DMXL2: variants seen among roughly 807,000 people sequenced by gnomAD.
The protein encoded by DMXL2 is dmX-like protein 2.
DMXL2 carries 103 observed loss-of-function variants against 331.1 expected under a neutral mutation model. The ratio of observed to expected loss-of-function variants is 0.31; its 90% CI spans 0.27 to 0.37. The LOEUF is 0.37. DMXL2 is among the 10% of genes least tolerant of loss of function. DMXL2 has a pLI of 1.00. For missense variants in DMXL2, 3,171 were observed against 3,642.9 expected (o/e 0.87, Z 3.33); for synonymous variants, 1,281 against 1,252.1 (o/e 1.02, Z -0.49).
At chr15:51,538,933 T>C (rs774062938) in intron 9 of DMXL2, among the ~76,000 whole-genome samples, 4 of 152,148 alleles carry the variant, frequency 2.6e-5, no homozygotes, top group Non-Finnish European at 5.9e-5. Flanking sequence ...ATTTCGACCA[T>C]GTGCGGTGAC....
intron 10 of DMXL2, 42 bp downstream of exon 10, chr15:51,538,171 G>C: frequency 6.4e-7 from 1 of 1,572,390 alleles, no homozygotes; most frequent in Middle Eastern, 1.7e-4. Flanking sequence ...ACAGAAAGCT[G>C]TTAACTTTGG....
intron 14 of DMXL2, among the ~76,000 whole-genome samples, chr15:51,514,773 AG>A (rs1483795888): frequency 1.3e-5 from 2 of 151,828 alleles, no homozygotes; most frequent in African/African-American, 2.4e-5. Context: ...CACAGCCAAT[AG>A]CAGAATAGAA....
chr15:51,486,366 T>A, intron 22 of DMXL2, 29 bp from the exon 23 acceptor site: 1 of 1,437,296 alleles, frequency 7.0e-7, no homozygotes, highest in Non-Finnish European at 9.6e-7. Context: ...ATACTTATCT[T>A]ACTTAATGAT....
Position 51,498,750 on chromosome 15 carries a change from T to C in DMXL2, c.4474A>G (p.Lys1492Glu). Residue 1492 changes from lysine to glutamate, a missense_variant, in exon 18 of 44, where the codon AAA (lysine) becomes GAA (glutamate). Lys to Glu is a moderately conservative substitution (Grantham distance 56). Transcript: ENST00000560891. The part of the protein sequence containing the change: ...IDLEPEKREN[K>E]SKVINLSQYG... The stretch of plus-strand genomic sequence containing the variant: ...TGAGAAAGATTTATTACTTTTGATT[T>C]GTTTTCTCTCTTTTCAGGCTCTAAA... 6.2e-7 allele frequency: 1 copy of C among 1,614,216 alleles called. No individual in the cohort carries two copies. Among genetic ancestry groups the C allele is most frequent in the Non-Finnish European group, 8.5e-7 (1 of 1,180,034 alleles).
At chr15:51,568,413 G>T in intron 3 of DMXL2, 74 bp downstream of exon 3, 2 of 1,014,598 alleles carry the variant, frequency 2.0e-6, no homozygotes, top group East Asian at 2.8e-5. Flanking sequence ...CTCCTAAGGA[G>T]CTTTTTATTA....
At chr15:51,477,842 A>G (rs1291757684) in intron 26 of DMXL2, among the ~76,000 whole-genome samples, 1 of 152,070 alleles carries the variant, frequency 6.6e-6, no homozygotes, top group Non-Finnish European at 1.5e-5. Context: ...GGGTAGGTAA[A>G]AGTAATTTAA....
intron 3 of DMXL2, 150 bp downstream of exon 3, chr15:51,568,337 T>G: frequency 1.8e-6 from 1 of 557,682 alleles, no homozygotes; most frequent in Non-Finnish European, 3.2e-6. Flanking sequence ...GTAGTGAATG[T>G]AAGGATCCTA....
At chr15:51,558,829 T>C (rs143996648) in intron 6 of DMXL2, among the ~76,000 whole-genome samples, 12 of 152,314 alleles carry the variant, frequency 7.9e-5, no homozygotes, top group African/African-American at 2.9e-4. Flanking sequence ...AAACTGCCCA[T>C]ATTTTAAGTG....
chr15:51,459,097 G>A (rs934024666), intron 34 of DMXL2: 24 of 281,356 alleles, frequency 8.5e-5, no homozygotes, highest in African/African-American at 4.7e-4. Flanking sequence ...GTCTCTCTTA[G>A]CTCTTCCAAA....
intron 29 of DMXL2, among the ~76,000 whole-genome samples, chr15:51,468,510 G>C (rs2040803477): frequency 1.3e-5 from 2 of 152,072 alleles, no homozygotes; most frequent in African/African-American, 4.8e-5. Flanking sequence ...AAACTCACTG[G>C]CCTCCTCTGA....
chr15:51,595,722 A>G (rs58564324), intron 1 of DMXL2, among the ~76,000 whole-genome samples: 274 of 152,298 alleles, frequency 1.8e-3, no homozygotes, highest in African/African-American at 6.4e-3. Context: ...CAAAACAGAG[A>G]TATAGATCAA....
At position 51,499,917 on chromosome 15, in the gene DMXL2, G is replaced by A; in HGVS notation, c.3307C>T (p.His1103Tyr). The change falls in exon 18 of 44, where the codon CAT becomes TAT. Residue 1103 changes from histidine to tyrosine, a missense_variant. By Grantham distance (83) the His-to-Tyr change is moderately conservative. This residue lies in a region of DMXL2 where 1,674 missense variants were observed against 1,780.2 expected (regional missense o/e 0.94). Coordinates refer to ENST00000560891, the MANE Select transcript of DMXL2 (RefSeq NM_001378457.1). ...GATTCACATTCAAATATACAAACATGCATGGAAAATTCTTTAGAAACAAAA... is the reference window on the plus strand; with the variant it reads ...GATTCACATTCAAATATACAAACATACATGGAAAATTCTTTAGAAACAAAA... ...NGFVSKEFSMHVCIFECESTG... is the reference protein window; with the variant it reads ...NGFVSKEFSMYVCIFECESTG... 6.2e-7 allele frequency: 1 copy of A among 1,614,028 alleles called. No homozygotes were observed. Among genetic ancestry groups the A allele is most frequent in the Non-Finnish European group, 8.5e-7 (1 of 1,179,980 alleles).
At chr15:51,452,621 G>A (rs553216352) in intron 41 of DMXL2, among the ~76,000 whole-genome samples, 6 of 152,254 alleles carry the variant, frequency 3.9e-5, no homozygotes, top group African/African-American at 1.4e-4. Flanking sequence ...GTGGTGAAAA[G>A]GGGACACCTC....
intron 8 of DMXL2, 101 bp from the exon 9 acceptor site, chr15:51,542,608 T>C (rs1023388803): frequency 5.0e-5 from 42 of 844,486 alleles, no homozygotes; most frequent in African/African-American, 6.8e-5. Flanking sequence ...TTTTTCTCCA[T>C]AAAAACCTGA....
At chr15:51,487,930 T>TTA in intron 22 of DMXL2, 24 bp downstream of exon 22, 1 of 1,571,964 alleles carries the variant, frequency 6.4e-7, no homozygotes, top group South Asian at 1.2e-5. Context: ...ACAAGTATTA[T>TTA]ATAGTGTGTT....
chr15:51,563,049 C>A (rs2050065953), intron 6 of DMXL2, among the ~76,000 whole-genome samples: 1 of 152,158 alleles, frequency 6.6e-6, no homozygotes, highest in Non-Finnish European at 1.5e-5. Flanking sequence ...AATAATGAGG[C>A]AAGCAGTACA....
At chr15:51,616,140 T>C (rs780360397) in intron 1 of DMXL2, among the ~76,000 whole-genome samples, 4 of 152,160 alleles carry the variant, frequency 2.6e-5, no homozygotes, top group Non-Finnish European at 5.9e-5. Context: ...TGATAATCCA[T>C]CTAAGAGGGT....
intron 15 of DMXL2, 45 bp from the exon 16 acceptor site, chr15:51,507,298 G>A (rs762578769): frequency 8.4e-6 from 13 of 1,547,324 alleles, no homozygotes; most frequent in Non-Finnish European, 1.1e-5. Context: ...ATGTTTTTAT[G>A]GGGTTAAAAA....
rs2038827523 is a variant in DMXL2, at chr15:51,448,003, G to A, written c.*981C>T. 6.6e-6 allele frequency: 1 copy of A among 152,480 alleles called. No individual in the cohort carries two copies. The highest frequency in any genetic ancestry group is 2.1e-4 in the South Asian group (1 of 4,816). 9.4% of individuals were successfully genotyped at this position (152,480 alleles called of 1,614,324 possible). On this transcript the variant is annotated 3_prime_UTR_variant, in exon 44 of 44. Transcript: ENST00000560891. ...CAACATATTTTTGGTCATAACCAAG[G>A]AAATACATCAAAATAATGACAACAT...
Sources: allele counts gnomAD v4.1 joint callset (sites outside exome capture counted in the v4.1 genomes callset), GRCh38; gene constraint gnomAD v4.1.1; regional missense constraint gnomAD v4.1.1; transcripts MANE v1.5; gene names NCBI Gene and HGNC (gene_info 2026-07-23, HGNC 2026-07-21).